The following ADGRB2 variants were observed in gnomAD, a reference collection of about 807,000 sequenced individuals.
ADGRB2 encodes adhesion G protein-coupled receptor B2, also known as brain-specific angiogenesis inhibitor 2.
In ADGRB2, 47 loss-of-function variants were observed where a neutral mutation model predicts 178.7. That is an observed-to-expected ratio of 0.26 (90% CI 0.21 to 0.34). The LOEUF (loss-of-function observed/expected upper bound fraction) is 0.34. Ranked by LOEUF, ADGRB2 falls within the 10% of genes least tolerant of loss-of-function variation. The pLI is 1.00. For missense variants in ADGRB2, 1,584 were observed against 2,180.8 expected (o/e 0.73, Z 5.45); for synonymous variants, 870 against 912.4 (o/e 0.95, Z 0.84).
In ADGRB2 at chr1:31,757,227, T is replaced by C; in HGVS notation, c.-6A>G. 6.2e-7 allele frequency: 1 copy of C among 1,614,164 alleles called. No homozygotes were observed. The highest frequency in any genetic ancestry group is 8.5e-7 in the Non-Finnish European group (1 of 1,179,984). On this transcript the variant is annotated 5_prime_UTR_variant, in exon 3 of 33. Coordinates refer to ENST00000373658, the MANE Select transcript of ADGRB2 (RefSeq NM_001364857.2). ...ATCCAACCTGTATTCTCCATAACTC[T>C]TGCTCTCCATCCCCGTGTGTCGTGA...
chr1:31,732,245 C>T, intron 27 of ADGRB2, 91 bp from the exon 28 acceptor site: 1 of 1,560,696 alleles, frequency 6.4e-7, no homozygotes, highest in Non-Finnish European at 8.8e-7. Flanking sequence ...CCAGCTTTGC[C>T]CAGTCTGCCT....
chr1:31,732,623 AG>A lies in ADGRB2; in HGVS notation c.3625-12del, dbSNP rs773325797. 6.2e-7 allele frequency: 1 copy of A among 1,613,398 alleles called. No individual in the cohort carries two copies. The highest frequency in any genetic ancestry group is 8.5e-7 in the Non-Finnish European group (1 of 1,179,764). On this transcript the variant is annotated splice_polypyrimidine_tract_variant and intron_variant, in intron 26 of 32. Coordinates refer to ENST00000373658, the MANE Select transcript of ADGRB2 (RefSeq NM_001364857.2). ...CACCACATCCTGGACCTGGGGACAG[AG>A]GGCGCCTGCTGGGCCTGAGGCCACT...
intron 29 of ADGRB2, among the ~76,000 whole-genome samples, chr1:31,729,058 AC>A (rs1645144120): frequency 6.6e-6 from 1 of 151,788 alleles, no homozygotes; most frequent in Non-Finnish European, 1.5e-5. Context: ...CCTTCCTTTG[AC>A]CTCACACTGC....
chr1:31,729,810 C>T (rs1569719822), intron 29 of ADGRB2, among the ~76,000 whole-genome samples: 1 of 152,280 alleles, frequency 6.6e-6, no homozygotes, highest in Non-Finnish European at 1.5e-5. Context: ...CCCGCCATGA[C>T]GCCAAGCGCG....
Position 31,733,567 on chromosome 1 carries a change from A to C in ADGRB2, c.3453-424T>G, listed in dbSNP as rs1486874512. Reference sequence around the variant, plus strand: ...ACTGGAAGAGGGACAAAGCAACAACAACCACAGTGAGAGAACGCATGCGAC... The same window carrying C: ...ACTGGAAGAGGGACAAAGCAACAACCACCACAGTGAGAGAACGCATGCGAC... On this transcript the variant is annotated intron_variant, in intron 25 of 32. Transcript: ENST00000373658. The surrounding 1 kb of genome is among the most constrained non-coding windows in gnomAD (Gnocchi z 4.3). Among the ~76,000 whole-genome samples, 5 of 151,420 alleles carry C rather than the reference A, an allele frequency of 3.3e-5. No homozygotes were observed. The highest frequency in any genetic ancestry group is 1.2e-4 in the African/African-American group (5 of 40,906).
chr1:31,758,190 C>A lies in ADGRB2; in HGVS notation c.-190-679G>T, dbSNP rs1245581945. ...GGATAGCTCACAGCACTGCATGGGCCCCCTAGAGCCCAGCTGGTCCTCATC... is the reference window on the plus strand; with the variant it reads ...GGATAGCTCACAGCACTGCATGGGCACCCTAGAGCCCAGCTGGTCCTCATC... On this transcript the variant is annotated intron_variant, in intron 1 of 32. Transcript: ENST00000373658. This position sits in a 1 kb window ranked among gnomAD's most constrained non-coding sequence, Gnocchi z 4.2. 6.6e-6 allele frequency among the ~76,000 whole-genome samples: 1 copy of A among 152,214 alleles called. No individual in the cohort carries two copies. The highest frequency in any genetic ancestry group is 1.5e-5 in the Non-Finnish European group (1 of 68,036).
At chr1:31,742,332 C>G in intron 7 of ADGRB2, 115 bp from the exon 8 acceptor site, 4 of 1,408,842 alleles carry the variant, frequency 2.8e-6, no homozygotes, top group Non-Finnish European at 3.8e-6. Context: ...TGAGCCAGGC[C>G]AGACCCACTG....
Position 31,740,537 on chromosome 1 carries a change from C to A in ADGRB2, c.1799G>T (p.Arg600Met). 1 of 1,602,560 alleles carries A rather than the reference C, an allele frequency of 6.2e-7. No individual in the cohort carries two copies. Among genetic ancestry groups the A allele is most frequent in the Admixed American group, 1.7e-5 (1 of 58,958 alleles). Residue 600 changes from arginine to methionine, a missense_variant, in exon 12 of 33, where the codon AGG becomes ATG. This residue lies in a region of ADGRB2 where 657 missense variants were observed against 847.6 expected (regional missense o/e 0.78). Transcript: ENST00000373658. This position sits in a 1 kb window ranked among gnomAD's most constrained non-coding sequence, Gnocchi z 5.9. The part of the protein sequence containing the change: ...HEYRYLYLSL[R>M]EHLAKGQRML... Reference sequence around the variant, plus strand: ...GCGCTGCCCCTTGGCCAGGTGCTCCCTAAGCTGTAGGTGATGAGGGGGCCA... The same window carrying A: ...GCGCTGCCCCTTGGCCAGGTGCTCCATAAGCTGTAGGTGATGAGGGGGCCA...
At chr1:31,739,662 A>G in intron 14 of ADGRB2, 27 bp from the exon 15 acceptor site, 1 of 1,552,578 alleles carries the variant, frequency 6.4e-7, no homozygotes, top group Admixed American at 1.9e-5. Context: ...GTGGACAGAG[A>G]CAGACAGAGG....
chr1:31,738,792 T>C (rs1645772653), intron 16 of ADGRB2, 40 bp downstream of exon 16: 4 of 1,608,324 alleles, frequency 2.5e-6, no homozygotes, highest in South Asian at 2.2e-5. Context: ...GCCACCCAGG[T>C]TGAGGTGCAC....
At chr1:31,757,766 CCT>C (rs1174076664) in intron 1 of ADGRB2, among the ~76,000 whole-genome samples, 1 of 152,202 alleles carries the variant, frequency 6.6e-6, no homozygotes, top group Admixed American at 6.5e-5. Flanking sequence ...TGACCTCTCT[CCT>C]ATACTGTTTC....
Position 31,759,245 on chromosome 1 carries a change from G to A in ADGRB2, c.-190-1734C>T, listed in dbSNP as rs2149070715. On this transcript the variant is annotated intron_variant, in intron 1 of 32. Transcript: ENST00000373658. This position sits in a 1 kb window ranked among gnomAD's most constrained non-coding sequence, Gnocchi z 4.3. ...GTCACACACACTCAGGAGTTAACACGCACACACAGGGGTGTAGAGGCTTAC... is the reference window on the plus strand; with the variant it reads ...GTCACACACACTCAGGAGTTAACACACACACACAGGGGTGTAGAGGCTTAC... The A allele has an allele frequency of 1.7e-5, 13 of 771,698 alleles. No homozygotes were observed. Among genetic ancestry groups the A allele is most frequent in the South Asian group, 4.0e-5 (3 of 74,122 alleles). The allele number at this position is 771,698 out of a possible 1,614,324, so 47.8% of individuals were successfully genotyped here. A position where few individuals can be genotyped will look rare whatever the true frequency, so the allele number is the denominator to read the frequency against.
chr1:31,732,450 A>C, intron 27 of ADGRB2, 67 bp downstream of exon 27: 2 of 1,554,526 alleles, frequency 1.3e-6, no homozygotes, highest in Non-Finnish European at 1.8e-6. Flanking sequence ...TAAATGGTCT[A>C]GGGCAGGAGG....
Position 31,738,266 on chromosome 1 carries a change from A to C in ADGRB2, c.2706T>G (p.Ala902=), listed in dbSNP as rs761795916. 4.3e-6 allele frequency: 7 copies of C among 1,613,878 alleles called. No homozygotes were observed. Among genetic ancestry groups the C allele is most frequent in the Non-Finnish European group, 5.1e-6 (6 of 1,179,976 alleles). ...GGTGCTGGCACTGGCAGCGGGTGTG[A>C]GCTGCCTGGGTCTCCAGGGTCTGGC... ...ENCQTLETQA[A]HTRCQCQHLS... Residue 902 remains alanine, a synonymous_variant, in exon 18 of 33, where the codon GCT becomes GCG. Transcript: ENST00000373658.
Position 31,755,513 on chromosome 1 carries a change from A to T in ADGRB2, c.838+486T>A, listed in dbSNP as rs1286218317. ...CCCTGACCCCGGGGCAACTGCCAAA[A>T]CTCACTGACCTGTGTGGACAGGAAT... is the stretch of plus-strand genomic sequence containing the variant. On this transcript the variant is annotated intron_variant, in intron 4 of 32. Transcript: ENST00000373658. The surrounding 1 kb of genome is among the most constrained non-coding windows in gnomAD (Gnocchi z 5.1). 1.3e-5 allele frequency among the ~76,000 whole-genome samples: 2 copies of T among 151,922 alleles called. No individual in the cohort carries two copies. Among genetic ancestry groups the T allele is most frequent in the Non-Finnish European group, 2.9e-5 (2 of 67,974 alleles).
Position 31,758,123 on chromosome 1 carries a change from A to AC in ADGRB2, c.-190-613dup, listed in dbSNP as rs1184963749. On this transcript the variant is annotated intron_variant, in intron 1 of 32. Coordinates refer to ENST00000373658, the MANE Select transcript of ADGRB2 (RefSeq NM_001364857.2). This position sits in a 1 kb window ranked among gnomAD's most constrained non-coding sequence, Gnocchi z 4.2. ...CTGAATCAGCCCCACTTCCAATCCT[A>AC]CCCCCCAAGTAATCCAAGCGGCCTC... Among the ~76,000 whole-genome samples, 1 of 151,550 alleles carries AC rather than the reference A, an allele frequency of 6.6e-6. No individual in the cohort carries two copies.
In ADGRB2 at chr1:31,756,011, C is replaced by T. The variant is rs748966168; in HGVS notation, c.826G>A (p.Glu276Lys). ...TGCTGAGACTCACCATATCTCATCT[C>T]GGTTGTGAACAGATCATTGCTGCTC... Reference protein sequence around the residue: ...SGSSNDLFTTEMRYGEEPEEE... With the variant: ...SGSSNDLFTTKMRYGEEPEEE... The change falls in exon 4 of 33, where the codon GAG (glutamate) becomes AAG (lysine). Residue 276 changes from glutamate to lysine, a missense_variant. Glu to Lys is a moderately conservative substitution (Grantham distance 56). This residue lies in a region of ADGRB2 where 657 missense variants were observed against 847.6 expected (regional missense o/e 0.78). Coordinates refer to ENST00000373658, the MANE Select transcript of ADGRB2 (RefSeq NM_001364857.2). This position sits in a 1 kb window ranked among gnomAD's most constrained non-coding sequence, Gnocchi z 8.5. 3.0e-5 allele frequency: 48 copies of T among 1,608,060 alleles called. No homozygotes were observed. Among genetic ancestry groups the T allele is most frequent in the Non-Finnish European group, 3.7e-5 (43 of 1,175,582 alleles).
chr1:31,736,023 G>T, intron 22 of ADGRB2, 130 bp from the exon 23 acceptor site: 1 of 1,022,384 alleles, frequency 9.8e-7, no homozygotes. Context: ...GACGGTGAGA[G>T]TGAGCCACTG....
At position 31,759,749 on chromosome 1, in the gene ADGRB2, TCCTGCCTGTGTATAGC is replaced by T. The variant is rs1646987590; in HGVS notation, c.-190-2254_-190-2239del. ...ACAGCCACTGGTTCATTGAAGACCC[TCCTGCCTGTGTATAGC>T]CAGGCCTGTCCTCCTGGGGGCACTG... On this transcript the variant is annotated intron_variant, in intron 1 of 32. Transcript: ENST00000373658. The surrounding 1 kb of genome is among the most constrained non-coding windows in gnomAD (Gnocchi z 4.3). 6.6e-6 allele frequency among the ~76,000 whole-genome samples: 1 copy of T among 152,164 alleles called. No homozygotes were observed. Among genetic ancestry groups the T allele is most frequent in the South Asian group, 2.1e-4 (1 of 4,828 alleles).
Sources: allele counts gnomAD v4.1 joint callset (sites outside exome capture counted in the v4.1 genomes callset), GRCh38; gene constraint gnomAD v4.1.1; regional missense constraint gnomAD v4.1.1; non-coding constraint Gnocchi (gnomAD v3.1); transcripts MANE v1.5; gene names NCBI Gene and HGNC (gene_info 2026-07-23, HGNC 2026-07-21).